FREM1: variants seen among roughly 807,000 people sequenced by gnomAD.
FREM1 encodes FRAS1-related extracellular matrix protein 1.
Under a neutral mutation model 210.1 loss-of-function variants are expected in FREM1, and 220 were observed. The observed-to-expected ratio is 1.05, with a 90% CI of 0.94 to 1.17. The LOEUF (loss-of-function observed/expected upper bound fraction) is 1.17. FREM1 is among the 50% of genes most tolerant of loss of function. The pLI is 0.00. For synonymous variants in FREM1, 1,189 were observed against 980.2 expected, an observed-to-expected ratio of 1.21 and a Z score of -3.98; for missense variants, 3,454 against 2,675.5, an observed-to-expected ratio of 1.29 and a Z score of -6.42.
At chr9:14,775,025 A>G (rs929351367) in intron 25 of FREM1, among the ~76,000 whole-genome samples, 2 of 152,208 alleles carry the variant, frequency 1.3e-5, no homozygotes, top group Non-Finnish European at 2.9e-5. Context: ...CCTCATCATT[A>G]TTATATGTGT....
chr9:14,884,827 T>C (rs1003430637), intron 1 of FREM1, among the ~76,000 whole-genome samples: 6 of 152,022 alleles, frequency 3.9e-5, no homozygotes, highest in African/African-American at 1.2e-4. Context: ...TCTCTGGAAT[T>C]TTGCAATGGT....
At chr9:14,849,507 A>C (rs531409069) in intron 6 of FREM1, among the ~76,000 whole-genome samples, 79 of 152,340 alleles carry the variant, frequency 5.2e-4, no homozygotes, top group Non-Finnish European at 8.7e-4. Context: ...ATAACACAGA[A>C]ATGCAAGGCA....
At chr9:14,747,117 C>G (rs1842599098) in intron 33 of FREM1, 66 bp from the exon 34 acceptor site, 29 of 1,604,626 alleles carry the variant, frequency 1.8e-5, no homozygotes, top group Non-Finnish European at 2.2e-5. Context: ...ACACATTCAC[C>G]TCCTTTGGGT....
chr9:14,853,339 G>C (rs1263745623), intron 5 of FREM1, among the ~76,000 whole-genome samples: 1 of 152,190 alleles, frequency 6.6e-6, no homozygotes, highest in East Asian at 1.9e-4. Flanking sequence ...GAACTTCAGA[G>C]TGCACTCTTG....
At chr9:14,860,569 A>ATGTG (rs1564098915) in intron 3 of FREM1, among the ~76,000 whole-genome samples, 5 of 63,436 alleles carry the variant, frequency 7.9e-5, no homozygotes, top group African/African-American at 3.5e-4. Flanking sequence ...ACATATATAT[A>ATGTG]CACATATATA....
Position 14,778,681 on chromosome 9 carries a change from G to GAGGGAAGGGAAGGGAAGGGAAGGCA in FREM1, c.4443-2479_4443-2478insTGCCTTCCCTTCCCTTCCCTTCCCT, listed in dbSNP as rs1849092874. On this transcript the variant is annotated intron_variant, in intron 24 of 36. Coordinates refer to ENST00000380880, the MANE Select transcript of FREM1 (RefSeq NM_001379081.2). ...GGGGAGGGAGGGGAGGGAGGGGAGG[G>GAGGGAAGGGAAGGGAAGGGAAGGCA]AGGGAAGGGAAGGGAAGGGAAGGGA... Among the ~76,000 whole-genome samples the GAGGGAAGGGAAGGGAAGGGAAGGCA allele has an allele frequency of 7.1e-4, 8 of 11,212 alleles. 1 individual carries two copies. The highest frequency in any genetic ancestry group is 1.8e-3 in the African/African-American group (8 of 4,450). 7.4% of individuals were successfully genotyped at this position (11,212 alleles called of 152,430 possible).
In FREM1 at chr9:14,784,593, C is replaced by A; in HGVS notation, c.4219G>T (p.Gly1407Cys). The part of the protein sequence containing the change: ...ILTKPLVVSK[G>C]DRGFLTTTTL... ...GTGGTTGTTAAGAAACCTCTATCAC[C>A]TTTAGACACCACGAGTGGTTTTGTA... The change falls in exon 24 of 37, where the codon GGT becomes TGT. Residue 1407 changes from glycine (G) to cysteine (C), a missense_variant. By Grantham distance (159) the Gly-to-Cys change is radical. Coordinates refer to ENST00000380880, the MANE Select transcript of FREM1 (RefSeq NM_001379081.2). 1.2e-6 allele frequency: 2 copies of A among 1,605,704 alleles called. No individual in the cohort carries two copies. The highest frequency in any genetic ancestry group is 2.2e-5 in the East Asian group (1 of 44,644).
chr9:14,847,430 G>GGA (rs1285522833), intron 7 of FREM1, among the ~76,000 whole-genome samples: 1,794 of 29,878 alleles, frequency 0.06, 67 homozygotes, highest in African/African-American at 0.081. Context: ...GGAAGGAAGG[G>GGA]AGGGAGGGAG....
At position 14,806,810 on chromosome 9, in the gene FREM1, G is replaced by T. The variant is rs1179323627; in HGVS notation, c.3125C>A (p.Ala1042Asp). Residue 1042 changes from alanine to aspartate, a missense_variant, in exon 18 of 37, where the codon GCC (alanine) becomes GAC (aspartate). Coordinates refer to ENST00000380880, the MANE Select transcript of FREM1 (RefSeq NM_001379081.2). ...VFVVDEGCST[A>D]LTVNHLSATD... ...GGCGGACAAATGGTTAACAGTAAGG[G>T]CTGTTGAGCAGCCCTCATCTACAAC... is the stretch of plus-strand genomic sequence containing the variant. The T allele has an allele frequency of 3.7e-6, 6 of 1,607,032 alleles. No individual in the cohort carries two copies. In the East Asian group the frequency reaches 1.1e-4, roughly 30 times the overall value.
chr9:14,752,260 C>T (rs1288294789), intron 29 of FREM1, among the ~76,000 whole-genome samples: 1 of 151,634 alleles, frequency 6.6e-6, no homozygotes, highest in Non-Finnish European at 1.5e-5. Flanking sequence ...GATTGTAGAG[C>T]CTATATAAAT....
chr9:14,812,930 C>G lies in FREM1; in HGVS notation c.2775G>C (p.Lys925Asn). The change falls in exon 16 of 37, where the codon AAG becomes AAC. Residue 925 changes from lysine to asparagine, a missense_variant. By Grantham distance (94) the Lys-to-Asn change is moderately conservative (BLOSUM62 0). Coordinates refer to ENST00000380880, the MANE Select transcript of FREM1 (RefSeq NM_001379081.2). The part of the protein sequence containing the change: ...FATDVDSDNL[K>N]LMFVIAREPQ... ...GTTCGCGAGCAATCACAAACATCAA[C>G]TTCAAGTTATCGCTGTCCACATCAG... is the stretch of plus-strand genomic sequence containing the variant. 1 of 1,613,978 alleles carries G rather than the reference C, an allele frequency of 6.2e-7. No individual in the cohort carries two copies. Among genetic ancestry groups the G allele is most frequent in the Non-Finnish European group, 8.5e-7 (1 of 1,179,870 alleles).
rs995343347 is a variant in FREM1, at chr9:14,759,886, C to A, written c.5220G>T (p.Trp1740Cys). 8 of 1,610,868 alleles carry A rather than the reference C, an allele frequency of 5.0e-6. No individual in the cohort carries two copies. Among genetic ancestry groups the A allele is most frequent in the East Asian group, 2.2e-5 (1 of 44,786 alleles). ...SATPQILELK[W>C]SHIEWSQTEY... is the part of the protein sequence containing the mutation. ...CGGTCTGTGACCATTCAATATGAGA[C>A]CACTTCAGTTCCAAACTGTGTGTGA... The change falls in exon 28 of 37, where the codon TGG (tryptophan) becomes TGT (cysteine). Residue 1740 changes from tryptophan to cysteine, a missense_variant. Coordinates refer to ENST00000380880, the MANE Select transcript of FREM1 (RefSeq NM_001379081.2).
intron 1 of FREM1, among the ~76,000 whole-genome samples, chr9:14,890,093 C>T (rs1432403469): frequency 6.6e-6 from 1 of 152,220 alleles, no homozygotes; most frequent in Admixed American, 6.5e-5. Flanking sequence ...CACAAGGGTA[C>T]TGTAACCTGC....
At chr9:14,791,257 G>A (rs1227164903) in intron 22 of FREM1, 1 of 152,122 alleles carries the variant, frequency 6.6e-6, no homozygotes, top group Non-Finnish European at 1.5e-5. Flanking sequence ...GCTATTCTAG[G>A]CCTAAAGTGA....
rs768163688 is a variant in FREM1 at position 14,804,937 on chromosome 9, A to T, written c.3471+19T>A. ...CAAAATGATAAAAGAGAAATGGAAC[A>T]TTTGGATATGTTTCTTACAGTAATA... On this transcript the variant is annotated intron_variant, in intron 19 of 36. Coordinates refer to ENST00000380880, the MANE Select transcript of FREM1 (RefSeq NM_001379081.2). 6.4e-7 allele frequency: 1 copy of T among 1,569,024 alleles called. No homozygotes were observed.
At chr9:14,808,763 T>C (rs958532410) in intron 16 of FREM1, among the ~76,000 whole-genome samples, 1 of 152,180 alleles carries the variant, frequency 6.6e-6, no homozygotes, top group Admixed American at 6.5e-5. Context: ...GTCTTACATC[T>C]GTAGGATTCA....
rs191563959 is a variant in FREM1, at chr9:14,873,878, C to T, written c.-267-4634G>A. Among the ~76,000 whole-genome samples, 938 of 152,150 alleles carry T rather than the reference C, an allele frequency of 6.2e-3. 8 individuals carry two copies. The highest frequency in any genetic ancestry group is 0.02 in the African/African-American group (818 of 41,474). On this transcript the variant is annotated intron_variant, in intron 1 of 36. Coordinates refer to ENST00000380880, the MANE Select transcript of FREM1 (RefSeq NM_001379081.2). The stretch of plus-strand genomic sequence containing the variant: ...TTCTGGTATGTTTTGTCTTTGTTCT[C>T]GTTGGTTTCAAAGAACATCTTTATT...
chr9:14,816,549 A>G (rs1182511366), intron 15 of FREM1, among the ~76,000 whole-genome samples: 1 of 152,152 alleles, frequency 6.6e-6, no homozygotes, highest in East Asian at 1.9e-4. Context: ...TAAAAGGCTC[A>G]TAGCTCAGTG....
At chr9:14,861,118 TAC>T (rs1206091901) in intron 3 of FREM1, among the ~76,000 whole-genome samples, 8 of 99,882 alleles carry the variant, frequency 8.0e-5, no homozygotes, top group African/African-American at 3.6e-4. Context: ...CACATATATA[TAC>T]ATATATACAC....
Sources: gnomAD v4.1 joint callset for allele counts (sites outside exome capture counted in the v4.1 genomes callset) on GRCh38, gnomAD v4.1.1 for gene constraint, MANE v1.5 for transcripts, NCBI Gene and HGNC (gene_info 2026-07-23, HGNC 2026-07-21) for gene names.